Variants in PREX2 observed in about 807,000 individuals in gnomAD.
PREX2 encodes phosphatidylinositol-3,4,5-trisphosphate dependent Rac exchange factor 2.
Under a neutral mutation model 203.2 loss-of-function variants are expected in PREX2, and 107 were observed. That is an observed-to-expected ratio of 0.53 (90% confidence interval 0.45 to 0.62). PREX2 has a LOEUF of 0.62. Ranked by LOEUF, PREX2 falls within the 20% of genes least tolerant of loss-of-function variation. PREX2 has a pLI of 0.00. For missense variants in PREX2, 1,777 were observed against 1,955.9 expected (o/e 0.91, Z 1.72); for synonymous variants, 672 against 663.6 (o/e 1.01, Z -0.19).
intron 33 of PREX2, among the ~76,000 whole-genome samples, chr8:68,142,390 A>G (rs1811246962): frequency 6.6e-6 from 1 of 152,136 alleles, no homozygotes; most frequent in Non-Finnish European, 1.5e-5. Context: ...GGGATCGTAC[A>G]GTAGGTAGCT....
Position 68,134,109 on chromosome 8 carries a change from G to C in PREX2, c.3817G>C (p.Ala1273Pro), listed in dbSNP as rs1384125543. 1 of 1,614,024 alleles carries C rather than the reference G, an allele frequency of 6.2e-7. No individual in the cohort carries two copies. Among genetic ancestry groups the C allele is most frequent in the Non-Finnish European group, 8.5e-7 (1 of 1,180,008 alleles). Residue 1273 changes from alanine (A) to proline (P), a missense_variant, in exon 32 of 40, where the codon GCC becomes CCC. Coordinates refer to ENST00000288368, the MANE Select transcript of PREX2 (RefSeq NM_024870.4). ...RDMVFCQTLV[A>P]TVCAFSEQLM... is the part of the protein sequence containing the mutation. ...CATGGTTTTCTGCCAGACTCTTGTGGCCACTGTCTGTGCCTTCTCTGAGCA... is the reference window on the plus strand; with the variant it reads ...CATGGTTTTCTGCCAGACTCTTGTGCCCACTGTCTGTGCCTTCTCTGAGCA...
In PREX2 at chr8:68,021,924, TAGCTCTTA is replaced by T. The variant is rs1438057423; in HGVS notation, c.337-110_337-103del. ...TATATATAGCTGTATACACGCAGTA[TAGCTCTTA>T]AAACGTAGTAAACACTCAGTGAAGT... On this transcript the variant is annotated intron_variant, in intron 3 of 39. Coordinates refer to ENST00000288368, the MANE Select transcript of PREX2 (RefSeq NM_024870.4). 8 of 632,974 alleles carry T rather than the reference TAGCTCTTA, an allele frequency of 1.3e-5. No individual in the cohort carries two copies. In the African/African-American group the frequency reaches 1.5e-4, roughly 12 times the overall value. The allele number at this position is 632,974 out of a possible 1,614,324, so 39.2% of individuals were successfully genotyped here.
At chr8:68,215,413 A>G (rs1046699408) in intron 37 of PREX2, among the ~76,000 whole-genome samples, 2 of 152,190 alleles carry the variant, frequency 1.3e-5, no homozygotes, top group Admixed American at 6.5e-5. Context: ...TGTAATGAAC[A>G]TTATTGATTA....
At chr8:68,012,602 C>A (rs1168332700) in intron 1 of PREX2, among the ~76,000 whole-genome samples, 1 of 152,102 alleles carries the variant, frequency 6.6e-6, no homozygotes, top group East Asian at 1.9e-4. Context: ...GTGATCAATG[C>A]CCACGAGGCT....
At chr8:67,982,709 T>G (rs761677751) in intron 1 of PREX2, among the ~76,000 whole-genome samples, 2 of 152,244 alleles carry the variant, frequency 1.3e-5, no homozygotes, top group Non-Finnish European at 2.9e-5. Context: ...TATATTTCCT[T>G]CTTTATGCAT....
At chr8:68,078,352 A>G (rs1047702617) in intron 15 of PREX2, among the ~76,000 whole-genome samples, 4 of 152,096 alleles carry the variant, frequency 2.6e-5, no homozygotes, top group African/African-American at 9.7e-5. Flanking sequence ...TTCTTGGTAG[A>G]GATGGAGTTT....
rs987480730 is a variant in PREX2 at position 67,955,168 on chromosome 8, A to G, written c.141+2633A>G. On this transcript the variant is annotated intron_variant, in intron 1 of 39. Transcript: ENST00000288368. ...ATCTCAAAAAAAAAAAAAAAAAAAA[A>G]AAAGAAATCATATGGCTAGAGGGAA... Among the ~76,000 whole-genome samples, 200 of 151,074 alleles carry G rather than the reference A, an allele frequency of 1.3e-3. 2 individuals are homozygous for G. Among genetic ancestry groups the G allele is most frequent in the African/African-American group, 4.8e-3 (196 of 40,982 alleles).
At chr8:68,115,561 T>C (rs1395268832) in intron 25 of PREX2, among the ~76,000 whole-genome samples, 192 bp from the exon 26 acceptor site, 1 of 147,970 alleles carries the variant, frequency 6.8e-6, no homozygotes, top group African/African-American at 2.7e-5. Context: ...TTGTATGTTG[T>C]TTGTATGACT....
Position 67,952,173 on chromosome 8 carries a change from G to T in PREX2, c.-222G>T. ...CTGGCCGGAGCCCCCACTCCCAGGAGTTTCCTCTGCAGAGCCCCGCGCCCC... is the reference window on the plus strand; with the variant it reads ...CTGGCCGGAGCCCCCACTCCCAGGATTTTCCTCTGCAGAGCCCCGCGCCCC... On this transcript the variant is annotated 5_prime_UTR_variant, in exon 1 of 40. Transcript: ENST00000288368. 2.7e-6 allele frequency: 1 copy of T among 373,116 alleles called. No individual in the cohort carries two copies. Among genetic ancestry groups the T allele is most frequent in the Non-Finnish European group, 4.6e-6 (1 of 215,990 alleles). The allele number at this position is 373,116 out of a possible 1,614,324, so 23.1% of individuals were successfully genotyped here.
chr8:68,190,450 G>A (rs1812268801), intron 35 of PREX2, among the ~76,000 whole-genome samples: 1 of 152,186 alleles, frequency 6.6e-6, no homozygotes, highest in Admixed American at 6.5e-5. Context: ...CATGGATGGA[G>A]CTGGAGGCAT....
At chr8:67,985,754 G>C (rs533474030) in intron 1 of PREX2, among the ~76,000 whole-genome samples, 2 of 152,292 alleles carry the variant, frequency 1.3e-5, no homozygotes, top group East Asian at 3.9e-4. Context: ...CAGTTGCAGA[G>C]GACAGTTTCA....
chr8:68,125,223 C>G (rs985556410), intron 30 of PREX2, among the ~76,000 whole-genome samples: 1 of 152,062 alleles, frequency 6.6e-6, no homozygotes, highest in African/African-American at 2.4e-5. Context: ...CAACTTAAGT[C>G]ATTTTCATTC....
intron 31 of PREX2, among the ~76,000 whole-genome samples, chr8:68,131,346 T>C (rs899128715): frequency 8.5e-5 from 13 of 152,200 alleles, no homozygotes; most frequent in African/African-American, 2.9e-4. Flanking sequence ...TTTGAATCTG[T>C]GCGAACAATT....
At position 68,154,689 on chromosome 8, in the gene PREX2, G is replaced by A. The variant is rs143191125; in HGVS notation, c.4232-2633G>A. ...TACAACTATTCTAATTAACGAAGAT[G>A]TAGGCTCTAAGAGAGAAAGCCTGTC... is the stretch of plus-strand genomic sequence containing the variant. On this transcript the variant is annotated intron_variant, in intron 34 of 39. Transcript: ENST00000288368. 3.3e-5 allele frequency among the ~76,000 whole-genome samples: 5 copies of A among 152,346 alleles called. No homozygotes were observed. The East Asian group carries it at 9.7e-4, about 29-fold the overall frequency.
chr8:68,062,280 A>G (rs964015310), intron 11 of PREX2, among the ~76,000 whole-genome samples: 1 of 151,940 alleles, frequency 6.6e-6, no homozygotes, highest in Non-Finnish European at 1.5e-5. Context: ...CCTGTAGTAC[A>G]CTCTCCGGGT....
intron 12 of PREX2, 62 bp downstream of exon 12, chr8:68,069,198 A>G: frequency 1.2e-6 from 1 of 812,784 alleles, no homozygotes; most frequent in Non-Finnish European, 2.0e-6. Flanking sequence ...TTCAGAAGAT[A>G]AAAGGTAGTT....
intron 35 of PREX2, among the ~76,000 whole-genome samples, chr8:68,189,372 T>C (rs1258734126): frequency 6.6e-6 from 1 of 152,228 alleles, no homozygotes. Flanking sequence ...GGTCTACCTC[T>C]CTGGCCTAAC....
At chr8:68,200,661 T>C (rs768893780) in intron 37 of PREX2, among the ~76,000 whole-genome samples, 4 of 152,140 alleles carry the variant, frequency 2.6e-5, no homozygotes, top group Non-Finnish European at 4.4e-5. Flanking sequence ...TCTTGAATCA[T>C]TTTATTTTAA....
chr8:68,066,719 A>T (rs1313202002), intron 11 of PREX2, among the ~76,000 whole-genome samples: 1 of 151,936 alleles, frequency 6.6e-6, no homozygotes, highest in Non-Finnish European at 1.5e-5. Context: ...TTTTAGTTTG[A>T]TGCAATTGCA....
Sources: gnomAD v4.1 joint callset for allele counts (sites outside exome capture counted in the v4.1 genomes callset) on GRCh38, gnomAD v4.1.1 for gene constraint, MANE v1.5 for transcripts, NCBI Gene and HGNC (gene_info 2026-07-23, HGNC 2026-07-21) for gene names.